ATP12A: variants seen among roughly 807,000 people sequenced by gnomAD.
ATP12A encodes the protein potassium-transporting ATPase alpha chain 2.
ATP12A carries 81 observed loss-of-function variants against 111.2 expected under a neutral mutation model. That is an observed-to-expected ratio of 0.73 (90% CI 0.61 to 0.88). The LOEUF (loss-of-function observed/expected upper bound fraction) is 0.88, where lower values mean the gene tolerates loss of function less well. ATP12A is among the 40% of genes least tolerant of loss of function. The pLI, the probability that ATP12A is intolerant of heterozygous loss-of-function variation, is 0.00. For missense variants in ATP12A, 1,196 were observed against 1,313.1 expected (o/e 0.91, Z 1.38); for synonymous variants, 498 against 499.8 (o/e 1.00, Z 0.05).
At chr13:24,700,055 G>T (rs551662482) in intron 12 of ATP12A, among the ~76,000 whole-genome samples, 1 of 152,266 alleles carries the variant, frequency 6.6e-6, no homozygotes, top group East Asian at 1.9e-4. Context: ...CAAAGCAGTG[G>T]GCCAGGCTGA....
chr13:24,688,304 G>A lies in ATP12A; in HGVS notation c.229-15G>A. The A allele has an allele frequency of 1.2e-6, 2 of 1,602,168 alleles. No individual in the cohort carries two copies. Among genetic ancestry groups the A allele is most frequent in the Non-Finnish European group, 1.7e-6 (2 of 1,173,472 alleles). ...TTTGTTTTGGTTGTGCATGTGCTTT[G>A]TTTGGCTTTCCCAGGGTCTCTCCAG... On this transcript the variant is annotated splice_polypyrimidine_tract_variant and intron_variant, in intron 3 of 22. Coordinates refer to ENST00000381946, the MANE Select transcript of ATP12A (RefSeq NM_001676.7).
intron 11 of ATP12A, among the ~76,000 whole-genome samples, chr13:24,695,484 G>A (rs1198832092): frequency 6.6e-5 from 10 of 152,112 alleles, no homozygotes; most frequent in Non-Finnish European, 2.9e-5. Context: ...ATCTGGACTT[G>A]GGCTTTGCAC....
rs2137720674 is a variant in ATP12A at position 24,707,351 on chromosome 13, C to A, written c.2411C>A (p.Pro804His). Residue 804 changes from proline to histidine, a missense_variant, in exon 17 of 23, where the codon CCC becomes CAC. This residue lies in a region of ATP12A where 1,126 missense variants were observed against 1,228.5 expected (regional missense o/e 0.92). Coordinates refer to ENST00000381946, the MANE Select transcript of ATP12A (RefSeq NM_001676.7). The stretch of plus-strand genomic sequence containing the variant: ...ACCAAGAACATTGCCGAGCTGTGCC[C>A]CTTTCTGATCTACATCATTGTCGGG... Reference protein sequence around the residue: ...SLTKNIAELCPFLIYIIVGLP... With the variant: ...SLTKNIAELCHFLIYIIVGLP... 6.2e-7 allele frequency: 1 copy of A among 1,614,180 alleles called. No homozygotes were observed. The highest frequency in any genetic ancestry group is 2.2e-5 in the East Asian group (1 of 44,876).
At chr13:24,709,343 C>G in intron 17 of ATP12A, 21 bp from the exon 18 acceptor site, 1 of 1,514,892 alleles carries the variant, frequency 6.6e-7, no homozygotes, top group Non-Finnish European at 8.9e-7. Flanking sequence ...GGTTAGACCT[C>G]ACCAGCCTCT....
At chr13:24,709,910 A>T in intron 19 of ATP12A, 82 bp downstream of exon 19, 1 of 1,564,156 alleles carries the variant, frequency 6.4e-7, no homozygotes, top group Non-Finnish European at 8.7e-7. Context: ...TAGAACCTCC[A>T]TGTCCCTGAA....
chr13:24,699,599 T>C (rs1446400744), intron 12 of ATP12A, among the ~76,000 whole-genome samples: 3 of 152,174 alleles, frequency 2.0e-5, no homozygotes, highest in Non-Finnish European at 4.4e-5. Flanking sequence ...TGTTTAAAAA[T>C]GATTAAGCTT....
chr13:24,685,303 A>G lies in ATP12A; in HGVS notation c.169-11A>G, dbSNP rs754548228. The G allele has an allele frequency of 3.1e-6, 5 of 1,612,682 alleles. No homozygotes were observed. The highest frequency in any genetic ancestry group is 2.7e-5 in the African/African-American group (2 of 74,836). On this transcript the variant is annotated splice_polypyrimidine_tract_variant and intron_variant, in intron 2 of 22. Transcript: ENST00000381946. The surrounding 1 kb of genome is among the most constrained non-coding windows in gnomAD (Gnocchi z 5.5). Reference sequence around the variant, plus strand: ...TCTAATTCACTCTGTTCTTCCTTTCATGGACTTCAGGATGACCACAAACTC... The same window carrying G: ...TCTAATTCACTCTGTTCTTCCTTTCGTGGACTTCAGGATGACCACAAACTC...
At chr13:24,687,753 G>A (rs1263546817) in intron 3 of ATP12A, among the ~76,000 whole-genome samples, 1 of 152,244 alleles carries the variant, frequency 6.6e-6, no homozygotes, top group Non-Finnish European at 1.5e-5. Context: ...GGAAACTAAA[G>A]CCACATGCTC....
rs1875716514 is a variant in ATP12A at position 24,707,378 on chromosome 13, T to G, written c.2438T>G (p.Leu813Arg). The G allele has an allele frequency of 6.2e-7, 1 of 1,614,030 alleles. No homozygotes were observed. Reference protein sequence around the residue: ...CPFLIYIIVGLPLPIGTITIL... With the variant: ...CPFLIYIIVGRPLPIGTITIL... ...TTTCTGATCTACATCATTGTCGGGC[T>G]CCCCCTGCCCATTGGCACCATCACC... The change falls in exon 17 of 23, where the codon CTC becomes CGC. Residue 813 changes from leucine (L) to arginine (R), a missense_variant. By Grantham distance (102) the Leu-to-Arg change is moderately radical. Around this residue, in one of 3 missense-constraint regions of ATP12A, gnomAD observed 1,126 missense variants for 1,228.5 expected, o/e 0.92. Coordinates refer to ENST00000381946, the MANE Select transcript of ATP12A (RefSeq NM_001676.7).
intron 3 of ATP12A, among the ~76,000 whole-genome samples, chr13:24,687,827 G>A (rs1413391912): frequency 6.6e-6 from 1 of 152,194 alleles, no homozygotes; most frequent in African/African-American, 2.4e-5. Flanking sequence ...CTTAGCCCTG[G>A]TGAGCAGCTT....
Position 24,680,763 on chromosome 13 carries a change from C to A in ATP12A, c.9+11C>A, listed in dbSNP as rs764714904. The A allele has an allele frequency of 2.2e-5, 33 of 1,487,902 alleles. No individual in the cohort carries two copies. Among genetic ancestry groups the A allele is most frequent in the East Asian group, 1.7e-4 (6 of 35,352 alleles). 92.2% of individuals were successfully genotyped at this position (1,487,902 alleles called of 1,614,324 possible). A position where few individuals can be genotyped will look rare whatever the true frequency, so the allele number is the denominator to read the frequency against. ...CCCAGCATGCACCAGGTGCGTGCAG[C>A]CCCCGCGCCGGCCGAGGATGCGAGA... On this transcript the variant is annotated intron_variant, in intron 1 of 22. Coordinates refer to ENST00000381946, the MANE Select transcript of ATP12A (RefSeq NM_001676.7).
intron 11 of ATP12A, among the ~76,000 whole-genome samples, chr13:24,697,603 G>A (rs112660255): frequency 7.0e-6 from 1 of 143,840 alleles, no homozygotes; most frequent in Admixed American, 7.2e-5. Flanking sequence ...TCGTGCCACT[G>A]CACTCCAGCC....
intron 15 of ATP12A, 101 bp from the exon 16 acceptor site, chr13:24,706,922 C>G: frequency 7.5e-7 from 1 of 1,332,972 alleles, no homozygotes; most frequent in Non-Finnish European, 1.0e-6. Flanking sequence ...CTATAATCAT[C>G]CTCGCAACCT....
In ATP12A at chr13:24,689,185, C is replaced by T. The variant is rs938910045; in HGVS notation, c.433-77C>T. ...CGTAACTGCCAGCATTGCATCCTCC[C>T]GTGGAGAGCTCTAGCCCCAGGGCCC... On this transcript the variant is annotated intron_variant, in intron 4 of 22. Coordinates refer to ENST00000381946, the MANE Select transcript of ATP12A (RefSeq NM_001676.7). 32 of 1,136,508 alleles carry T rather than the reference C, an allele frequency of 2.8e-5. No individual in the cohort carries two copies. In the Admixed American group the frequency reaches 4.6e-4, roughly 16 times the overall value. The allele number at this position is 1,136,508 out of a possible 1,614,324, so 70.4% of individuals were successfully genotyped here.
At chr13:24,689,514 C>T (rs2137695119) in intron 5 of ATP12A, 139 bp downstream of exon 5, 1 of 697,320 alleles carries the variant, frequency 1.4e-6, no homozygotes, top group Non-Finnish European at 2.4e-6. Context: ...ATTAACCCAT[C>T]TGTCAGAACC....
intron 14 of ATP12A, among the ~76,000 whole-genome samples, chr13:24,702,510 A>G (rs1875441523): frequency 6.6e-6 from 1 of 152,202 alleles, no homozygotes; most frequent in Non-Finnish European, 1.5e-5. Flanking sequence ...ACGTGTAGCT[A>G]TGTAAACACA....
At position 24,683,709 on chromosome 13, in the gene ATP12A, AT is replaced by A. The variant is rs888624633; in HGVS notation, c.169-1596del. ...AGTTTCCTATTTTGAAAAACATAAG[AT>A]TTTTTTTTCTACCTCTTAAGGGTTA... On this transcript the variant is annotated intron_variant, in intron 2 of 22. Coordinates refer to ENST00000381946, the MANE Select transcript of ATP12A (RefSeq NM_001676.7). Among the ~76,000 whole-genome samples, 8 of 151,946 alleles carry A rather than the reference AT, an allele frequency of 5.3e-5. 1 individual carries two copies. In the South Asian group the frequency reaches 8.3e-4, roughly 16 times the overall value.
chr13:24,699,855 G>A lies in ATP12A; in HGVS notation c.1706-892G>A, dbSNP rs143331789. Among the ~76,000 whole-genome samples, 30 of 152,300 alleles carry A rather than the reference G, an allele frequency of 2.0e-4. 1 individual carries two copies. Among genetic ancestry groups the A allele is most frequent in the African/African-American group, 5.1e-4 (21 of 41,560 alleles). On this transcript the variant is annotated intron_variant, in intron 12 of 22. Transcript: ENST00000381946. ...ATCCGGCTCATTAAACACCATGGAAGTCCTCACCAATACAGATGCAGTCTG... is the reference window on the plus strand; with the variant it reads ...ATCCGGCTCATTAAACACCATGGAAATCCTCACCAATACAGATGCAGTCTG...
intron 11 of ATP12A, among the ~76,000 whole-genome samples, chr13:24,697,999 G>A (rs1428488855): frequency 6.6e-6 from 1 of 152,148 alleles, no homozygotes; most frequent in Admixed American, 6.5e-5. Context: ...CTTATCAGAA[G>A]GGCTAGATAA....
Sources: gnomAD v4.1 joint callset for allele counts (sites outside exome capture counted in the v4.1 genomes callset) on GRCh38, gnomAD v4.1.1 for gene constraint, gnomAD v4.1.1 regional missense constraint, Gnocchi (gnomAD v3.1) non-coding constraint, MANE v1.5 for transcripts, NCBI Gene and HGNC (gene_info 2026-07-23, HGNC 2026-07-21) for gene names.